The following NLGN4Y variants were observed in gnomAD, a reference collection of about 807,000 sequenced individuals.
NLGN4Y encodes neuroligin 4 Y-linked, also known as neuroligin-4, Y-linked.
Under a neutral mutation model 8.4 loss-of-function variants are expected in NLGN4Y, and 4 were observed. The observed-to-expected ratio is 0.48, with a 90% CI of 0.23 to 1.09. The LOEUF (loss-of-function observed/expected upper bound fraction) is 1.09. Among genes scored for constraint, NLGN4Y ranks in the 50% least tolerant of loss-of-function variants. The pLI, the probability that NLGN4Y is intolerant of heterozygous loss-of-function variation, is 0.19. For missense variants in NLGN4Y, 90 were observed against 192.3 expected, an observed-to-expected ratio of 0.47 and a Z score of 3.15; for synonymous variants, 35 against 75.6, an observed-to-expected ratio of 0.46 and a Z score of 2.78.
At chrY:14,722,067 G>A (rs2080936565) in intron 3 of NLGN4Y, among the ~76,000 whole-genome samples, 1 of 33,378 alleles carries the variant, frequency 3.0e-5, no homozygotes, top group African/African-American at 1.2e-4. Flanking sequence ...AAAATATAAA[G>A]CATTTAAATA....
chrY:14,691,094 C>T, intron 2 of NLGN4Y, among the ~76,000 whole-genome samples: 1 of 32,838 alleles, frequency 3.0e-5, no homozygotes, highest in African/African-American at 1.2e-4. Context: ...CATAAATCTG[C>T]AGACACACCT....
intron 4 of NLGN4Y, among the ~76,000 whole-genome samples, chrY:14,820,015 T>C (rs2043116846): frequency 3.0e-5 from 1 of 32,946 alleles, no homozygotes; most frequent in Non-Finnish European, 7.5e-5. Context: ...AAAAAACAAA[T>C]GTGGTTTTGG....
At chrY:14,751,245 T>A (rs997409822) in intron 4 of NLGN4Y, among the ~76,000 whole-genome samples, 8 of 33,769 alleles carry the variant, frequency 2.4e-4, no homozygotes, top group African/African-American at 9.2e-4. Context: ...ATGAACGTTG[T>A]TTTTCACGCA....
chrY:14,789,113 G>A lies in NLGN4Y; in HGVS notation c.686-35075G>A, dbSNP rs531125673. On this transcript the variant is annotated intron_variant, in intron 4 of 6. Transcript: ENST00000684976. ...GCCTCCTGAGTAGCTGGGACTACAG[G>A]AGTGTGCCACCACACCTAGCTAATT... Among the ~76,000 whole-genome samples, 135 of 32,170 alleles carry A rather than the reference G, an allele frequency of 4.2e-3. No homozygotes were observed. In the South Asian group the frequency reaches 0.096, roughly 23 times the overall value. 86.3% of individuals were successfully genotyped at this position (32,170 alleles called of 37,273 possible).
At chrY:14,522,982 C>T, upstream of NLGN4Y, 1 of 33,702 alleles carries the variant, frequency 3.0e-5, no homozygotes, top group African/African-American at 1.2e-4. Context: ...ATATTATTAT[C>T]CTTATTTTAA....
At chrY:14,802,656 TATTA>T (rs1297509490) in intron 4 of NLGN4Y, among the ~76,000 whole-genome samples, 1 of 25,547 alleles carries the variant, frequency 3.9e-5, no homozygotes, top group Non-Finnish European at 8.4e-5. Context: ...ATATAATATA[TATTA>T]ATTATCTATA....
intron 4 of NLGN4Y, among the ~76,000 whole-genome samples, chrY:14,776,749 C>T: frequency 6.2e-5 from 2 of 32,112 alleles, no homozygotes; most frequent in African/African-American, 1.2e-4. Flanking sequence ...GATATTCCTC[C>T]TTTTATCTTT....
Position 14,632,492 on chromosome Y carries a change from A to G in NLGN4Y, c.472+9901A>G, listed in dbSNP as rs779158007. On this transcript the variant is annotated intron_variant, in intron 2 of 6. Coordinates refer to ENST00000684976, the MANE Select transcript of NLGN4Y (RefSeq NM_001365588.1). ...AATAACACTACTCTTTGTGTGTGAT[A>G]TTAAAGAGAAATTAATTCTCATTTT... Among the ~76,000 whole-genome samples, 11 of 34,075 alleles carry G rather than the reference A, an allele frequency of 3.2e-4. No homozygotes were observed. The South Asian group carries it at 7.2e-3, about 22-fold the overall frequency. The allele number at this position is 34,075 out of a possible 37,273, so 91.4% of individuals were successfully genotyped here.
At chrY:14,548,582 A>G in intron 1 of NLGN4Y, among the ~76,000 whole-genome samples, 1 of 34,324 alleles carries the variant, frequency 2.9e-5, no homozygotes, top group South Asian at 6.4e-4. Flanking sequence ...AGCAGGTACA[A>G]TTATTGAAAA....
chrY:14,693,077 C>A, intron 2 of NLGN4Y, among the ~76,000 whole-genome samples: 1 of 32,967 alleles, frequency 3.0e-5, no homozygotes. Context: ...CCAGGATAGT[C>A]ATCCACTCCT....
intron 4 of NLGN4Y, among the ~76,000 whole-genome samples, chrY:14,808,163 C>T (rs2043064466): frequency 3.0e-5 from 1 of 33,420 alleles, no homozygotes; most frequent in Admixed American, 2.7e-4. Flanking sequence ...CCCCGAGTAG[C>T]TGGGGTTACA....
chrY:14,593,444 T>C, intron 1 of NLGN4Y, among the ~76,000 whole-genome samples: 1 of 33,466 alleles, frequency 3.0e-5, no homozygotes, highest in Non-Finnish European at 7.4e-5. Flanking sequence ...GTGTTTTCAA[T>C]ACCCATATGA....
chrY:14,704,454 G>T (rs2080868576), intron 2 of NLGN4Y, among the ~76,000 whole-genome samples: 1 of 33,018 alleles, frequency 3.0e-5, no homozygotes, highest in Non-Finnish European at 7.4e-5. Context: ...TTATATGCTG[G>T]ATTACATTTA....
chrY:14,587,029 C>G, intron 1 of NLGN4Y, among the ~76,000 whole-genome samples: 1 of 33,052 alleles, frequency 3.0e-5, no homozygotes, highest in Non-Finnish European at 7.4e-5. Context: ...AGTACTACTC[C>G]AGGTCAAACT....
intron 2 of NLGN4Y, chrY:14,639,471 G>A: frequency 1.8e-5 from 3 of 169,233 alleles, no homozygotes; most frequent in Non-Finnish European, 2.2e-5. Flanking sequence ...AAGAGGAGAT[G>A]GGACACTGAA....
At chrY:14,779,224 T>G in intron 4 of NLGN4Y, among the ~76,000 whole-genome samples, 4 of 33,024 alleles carry the variant, frequency 1.2e-4, no homozygotes, top group Non-Finnish European at 3.0e-4. Context: ...ATAGGAATCT[T>G]TCATAGAGTT....
At chrY:14,598,309 A>G (rs1002135106) in intron 1 of NLGN4Y, among the ~76,000 whole-genome samples, 3 of 34,349 alleles carry the variant, frequency 8.7e-5, no homozygotes, top group East Asian at 1.6e-3. Context: ...GGAGGCTCAG[A>G]CATGGCGGGC....
chrY:14,643,065 C>T (rs907074974), intron 2 of NLGN4Y, among the ~76,000 whole-genome samples: 22 of 33,236 alleles, frequency 6.6e-4, no homozygotes, highest in Admixed American at 5.5e-4. Flanking sequence ...CAAATTGGCC[C>T]AGTAACTGTG....
rs752363074 is a variant in NLGN4Y, at chrY:14,692,933, G to T, written c.473-26526G>T. Among the ~76,000 whole-genome samples the T allele has an allele frequency of 2.1e-4, 7 of 33,598 alleles. No homozygotes were observed. In the South Asian group the frequency reaches 4.6e-3, roughly 22 times the overall value. The allele number at this position is 33,598 out of a possible 37,273, so 90.1% of individuals were successfully genotyped here. ...CATCCATCTCTTGCCATTGATATTT[G>T]TCAATTGATGCTTTTTTTCCTTCTT... On this transcript the variant is annotated intron_variant, in intron 2 of 6. Transcript: ENST00000684976.
Sources: gnomAD v4.1 joint callset for allele counts (sites outside exome capture counted in the v4.1 genomes callset) on GRCh38, gnomAD v4.1.1 for gene constraint, MANE v1.5 for transcripts, NCBI Gene and HGNC (gene_info 2026-07-23, HGNC 2026-07-21) for gene names.